SPIDR: variants seen among roughly 807,000 people sequenced by gnomAD.
SPIDR encodes DNA repair-scaffolding protein.
SPIDR carries 93 observed loss-of-function variants against 104.6 expected under a neutral mutation model. That is an observed-to-expected ratio of 0.89 (90% CI 0.75 to 1.06). The LOEUF is 1.06. Ranked by LOEUF, SPIDR falls within the 50% of genes least tolerant of loss-of-function variation. SPIDR has a pLI of 0.00. For missense variants in SPIDR, 1,154 were observed against 1,111.2 expected (o/e 1.04, Z -0.55); for synonymous variants, 431 against 416.9 (o/e 1.03, Z -0.41).
intron 10 of SPIDR, among the ~76,000 whole-genome samples, chr8:47,624,411 A>G (rs923993835): frequency 1.3e-5 from 2 of 152,238 alleles, no homozygotes; most frequent in African/African-American, 4.8e-5. Context: ...GAAGACAGAG[A>G]CACAAAAAAC....
chr8:47,539,468 T>C (rs1340639392), intron 8 of SPIDR, among the ~76,000 whole-genome samples: 1 of 152,202 alleles, frequency 6.6e-6, no homozygotes, highest in Non-Finnish European at 1.5e-5. Context: ...TTATTAATTG[T>C]TATTTTATTT....
At position 47,511,129 on chromosome 8, in the gene SPIDR, A is replaced by G. The variant is rs1245961263; in HGVS notation, c.1097+70587A>G. 5.9e-6 allele frequency: 9 copies of G among 1,527,606 alleles called. No individual in the cohort carries two copies. The Admixed American group carries it at 1.5e-4, about 26-fold the overall frequency. The allele number at this position is 1,527,606 out of a possible 1,614,324, so 94.6% of individuals were successfully genotyped here. On this transcript the variant is annotated intron_variant, in intron 8 of 19. Transcript: ENST00000297423. ...CTCTTTGTTTGGGAAAGTAGTCATG[A>G]GGATAAAGCTGGTGGCAGCCATGGC...
chr8:47,338,006 G>A (rs1554610917), intron 5 of SPIDR, among the ~76,000 whole-genome samples: 1 of 152,124 alleles, frequency 6.6e-6, no homozygotes, highest in African/African-American at 2.4e-5. Flanking sequence ...TTTTAAAATT[G>A]GAAAGTGAGA....
intron 5 of SPIDR, among the ~76,000 whole-genome samples, chr8:47,310,694 T>C (rs772363951): frequency 1.3e-5 from 2 of 152,136 alleles, no homozygotes; most frequent in East Asian, 3.9e-4. Flanking sequence ...CTCTAGCAGC[T>C]AGAAAGTTAG....
chr8:47,408,064 CTT>C (rs141513742), intron 7 of SPIDR, 103 bp downstream of exon 7: 37,912 of 574,884 alleles, frequency 0.066, 1,832 homozygotes, highest in African/African-American at 0.18. Context: ...ATTTTCATGA[CTT>C]TTTAAAAATT....
At chr8:47,512,028 C>G (rs1202085086) in intron 8 of SPIDR, 2 of 734,410 alleles carry the variant, frequency 2.7e-6, no homozygotes, top group Non-Finnish European at 4.9e-6. Flanking sequence ...CATAAAAGCT[C>G]GCTAGCGCAA....
intron 5 of SPIDR, among the ~76,000 whole-genome samples, chr8:47,300,370 C>G (rs1189297844): frequency 1.3e-5 from 2 of 152,124 alleles, no homozygotes; most frequent in South Asian, 2.1e-4. Flanking sequence ...TGCTAGCAGT[C>G]TATCAGTTTT....
At chr8:47,644,286 C>T (rs1379396252) in intron 10 of SPIDR, among the ~76,000 whole-genome samples, 2 of 152,208 alleles carry the variant, frequency 1.3e-5, no homozygotes, top group Non-Finnish European at 2.9e-5. Flanking sequence ...GTAGGACAGC[C>T]AAGCACAGCA....
chr8:47,280,590 A>G (rs916386944), intron 2 of SPIDR, among the ~76,000 whole-genome samples: 1 of 151,996 alleles, frequency 6.6e-6, no homozygotes, highest in African/African-American at 2.4e-5. Context: ...ACTGGGTTTC[A>G]CCATGTTGGC....
rs2060240932 is a variant in SPIDR, at chr8:47,388,833, G to A, written c.526-7543G>A. On this transcript the variant is annotated intron_variant, in intron 5 of 19. Coordinates refer to ENST00000297423, the MANE Select transcript of SPIDR (RefSeq NM_001080394.4). ...GTACTACAGCAGTATTGCTAACTTT[G>A]GAAACGGAGCCAGTATTGAATACTT... Among the ~76,000 whole-genome samples, 5 of 152,348 alleles carry A rather than the reference G, an allele frequency of 3.3e-5. No homozygotes were observed. The South Asian group carries it at 8.3e-4, about 25-fold the overall frequency.
In SPIDR at chr8:47,323,093, AAAG is replaced by A. The variant is rs573674495; in HGVS notation, c.525+29074_525+29076del. Among the ~76,000 whole-genome samples the A allele has an allele frequency of 3.7e-3, 565 of 151,164 alleles. 3 individuals carry two copies. The highest frequency in any genetic ancestry group is 0.012 in the African/African-American group (474 of 40,598). On this transcript the variant is annotated intron_variant, in intron 5 of 19. Coordinates refer to ENST00000297423, the MANE Select transcript of SPIDR (RefSeq NM_001080394.4). ...CCCGAAAACGTAAAGTATAATAAAA[AAAG>A]AAGAAGAAGAGAAAAAAAAAAGAAA... is the stretch of plus-strand genomic sequence containing the variant.
chr8:47,297,396 T>A (rs1469441790), intron 5 of SPIDR, among the ~76,000 whole-genome samples: 1 of 152,218 alleles, frequency 6.6e-6, no homozygotes, highest in Non-Finnish European at 1.5e-5. Flanking sequence ...CTATACATAA[T>A]GTGTTGACAG....
Position 47,730,155 on chromosome 8 carries a change from T to A in SPIDR, c.2604+690T>A, listed in dbSNP as rs532051676. Among the ~76,000 whole-genome samples the A allele has an allele frequency of 1.2e-4, 19 of 152,216 alleles. No homozygotes were observed. The South Asian group carries it at 3.9e-3, about 32-fold the overall frequency. On this transcript the variant is annotated intron_variant, in intron 19 of 19. Coordinates refer to ENST00000297423, the MANE Select transcript of SPIDR (RefSeq NM_001080394.4). ...AACACTGGGTATTCCAGACTCTGAA[T>A]AACTGGTAATGTGACTGTCCTGCCC... is the stretch of plus-strand genomic sequence containing the variant.
chr8:47,288,249 C>T (rs1224988230), intron 3 of SPIDR, among the ~76,000 whole-genome samples: 1 of 151,216 alleles, frequency 6.6e-6, no homozygotes, highest in Non-Finnish European at 1.5e-5. Flanking sequence ...TTGACTTTTC[C>T]ATGAATTCAT....
intron 10 of SPIDR, among the ~76,000 whole-genome samples, chr8:47,624,587 C>T (rs2065719736): frequency 6.6e-6 from 1 of 152,120 alleles, no homozygotes; most frequent in South Asian, 2.1e-4. Flanking sequence ...TACAAACTAC[C>T]ATCAGAGAAT....
intron 8 of SPIDR, among the ~76,000 whole-genome samples, chr8:47,582,478 T>C (rs1045802052): frequency 6.6e-6 from 1 of 152,176 alleles, no homozygotes; most frequent in Non-Finnish European, 1.5e-5. Context: ...TGAAAAGATG[T>C]TTCACATGGT....
chr8:47,487,968 A>T (rs1026518188), intron 8 of SPIDR, among the ~76,000 whole-genome samples: 2 of 152,224 alleles, frequency 1.3e-5, no homozygotes, highest in Non-Finnish European at 2.9e-5. Flanking sequence ...GAGCGAACAC[A>T]TTCAAAAGCT....
intron 8 of SPIDR, among the ~76,000 whole-genome samples, chr8:47,488,152 A>G (rs1386084742): frequency 6.6e-6 from 1 of 152,214 alleles, no homozygotes; most frequent in Non-Finnish European, 1.5e-5. Context: ...AGACACAATA[A>G]AAAATGATAA....
At chr8:47,661,057 C>A in intron 10 of SPIDR, 1 of 663,704 alleles carries the variant, frequency 1.5e-6, no homozygotes, top group Non-Finnish European at 1.9e-6. Context: ...GCCTGCTCCC[C>A]TGCACCACCG....
Sources: gnomAD v4.1 joint callset for allele counts (sites outside exome capture counted in the v4.1 genomes callset) on GRCh38, gnomAD v4.1.1 for gene constraint, MANE v1.5 for transcripts, NCBI Gene and HGNC (gene_info 2026-07-23, HGNC 2026-07-21) for gene names.